The following FHIT variants were observed in gnomAD, a reference collection of about 807,000 sequenced individuals.
FHIT encodes bis(5'-adenosyl)-triphosphatase.
A neutral mutation model predicts 17.9 loss-of-function variants in FHIT; 19 were observed. The ratio of observed to expected loss-of-function variants is 1.06; its 90% confidence interval spans 0.74 to 1.56. The LOEUF (loss-of-function observed/expected upper bound fraction) is 1.56, where lower values mean the gene tolerates loss of function less well. FHIT is among the 40% of genes most tolerant of loss of function. The pLI is 0.00. For synonymous variants in FHIT, 81 were observed against 69.7 expected (o/e 1.16, Z -0.81); for missense variants, 248 against 189.2 (o/e 1.31, Z -1.82).
chr3:60,117,778 G>A (rs1705040048), intron 5 of FHIT, among the ~76,000 whole-genome samples: 1 of 150,684 alleles, frequency 6.6e-6, no homozygotes, highest in African/African-American at 2.4e-5. Flanking sequence ...GAAGATGTAG[G>A]ACTATAGAGG....
intron 1 of FHIT, among the ~76,000 whole-genome samples, chr3:61,244,336 A>C (rs763812684): frequency 1.1e-4 from 16 of 152,212 alleles, no homozygotes; most frequent in Non-Finnish European, 1.9e-4. Context: ...TGAAGGAATA[A>C]ACTTACATTA....
At chr3:60,343,238 A>G (rs924977474) in intron 5 of FHIT, among the ~76,000 whole-genome samples, 3 of 152,154 alleles carry the variant, frequency 2.0e-5, no homozygotes, top group Non-Finnish European at 4.4e-5. Flanking sequence ...TGTAGAATCT[A>G]CTGAGATTCT....
At chr3:59,824,725 C>T (rs532554425) in intron 8 of FHIT, among the ~76,000 whole-genome samples, 2 of 152,172 alleles carry the variant, frequency 1.3e-5, no homozygotes, top group African/African-American at 2.4e-5. Flanking sequence ...GTGGTGAGTA[C>T]ATCAATATTA....
intron 4 of FHIT, among the ~76,000 whole-genome samples, chr3:60,772,507 C>T (rs9880233): frequency 2.0e-5 from 3 of 151,890 alleles, no homozygotes; most frequent in South Asian, 4.2e-4. Context: ...TTATGACAGT[C>T]GGGGAGATCT....
At chr3:60,177,019 G>A (rs751105534) in intron 5 of FHIT, among the ~76,000 whole-genome samples, 1 of 151,448 alleles carries the variant, frequency 6.6e-6, no homozygotes, top group Non-Finnish European at 1.5e-5. Context: ...AAAATTGTGG[G>A]AGAAAAAAAA....
rs75806737 is a variant in FHIT at position 60,211,360 on chromosome 3, G to A, written c.104-197208C>T. Among the ~76,000 whole-genome samples the A allele has an allele frequency of 3.1e-3, 473 of 151,998 alleles. 10 individuals carry two copies. The East Asian group carries it at 0.034, about 11-fold the overall frequency. Reference sequence around the variant, plus strand: ...AAGTATTAAAAATTTGGGGGAGGAAGAAACAGAGTATAAGGGAGATATAGA... The same window carrying A: ...AAGTATTAAAAATTTGGGGGAGGAAAAAACAGAGTATAAGGGAGATATAGA... On this transcript the variant is annotated intron_variant, in intron 5 of 9. Transcript: ENST00000492590.
At chr3:61,056,910 T>C (rs532408852) in intron 2 of FHIT, among the ~76,000 whole-genome samples, 10 of 152,346 alleles carry the variant, frequency 6.6e-5, no homozygotes, top group African/African-American at 2.4e-4. Context: ...TATTGCTGTT[T>C]TAGCTGTCAC....
At chr3:60,494,529 T>G (rs1173744013) in intron 5 of FHIT, among the ~76,000 whole-genome samples, 1 of 152,096 alleles carries the variant, frequency 6.6e-6, no homozygotes, top group African/African-American at 2.4e-5. Context: ...TTGACTACAG[T>G]CACTCCGTTG....
At chr3:59,874,031 A>T (rs568478044) in intron 8 of FHIT, among the ~76,000 whole-genome samples, 1 of 152,218 alleles carries the variant, frequency 6.6e-6, no homozygotes, top group South Asian at 2.1e-4. Context: ...TTCTTTCAGC[A>T]CATGCAGTAC....
chr3:59,870,856 CGTGT>C (rs112477825), intron 8 of FHIT, among the ~76,000 whole-genome samples: 1 of 116,124 alleles, frequency 8.6e-6, no homozygotes, highest in Non-Finnish European at 2.0e-5. Flanking sequence ...TAGTAAAGGG[CGTGT>C]GTGTGTGTGT....
At chr3:60,226,431 C>T (rs1305738699) in intron 5 of FHIT, among the ~76,000 whole-genome samples, 1 of 142,016 alleles carries the variant, frequency 7.0e-6, no homozygotes, top group Non-Finnish European at 1.5e-5. Context: ...GAGATCGCAC[C>T]ATTGCACTCC....
At chr3:59,944,966 T>C (rs1217546217) in intron 7 of FHIT, among the ~76,000 whole-genome samples, 3 of 152,246 alleles carry the variant, frequency 2.0e-5, no homozygotes, top group Non-Finnish European at 2.9e-5. Context: ...TTTGCTATTA[T>C]GAAAACTACT....
At position 60,865,190 on chromosome 3, in the gene FHIT, GTCTGACGTTGA is replaced by G. The variant is rs1339023483; in HGVS notation, c.-110-43190_-110-43180del. On this transcript the variant is annotated intron_variant, in intron 3 of 9. Transcript: ENST00000492590. Reference sequence around the variant, plus strand: ...AAAACTAAAAAATTCTCCCATTTCTGTCTGACGTTGAAAAAAATCATAGGTATTTGGCATTT... The same window carrying G: ...AAAACTAAAAAATTCTCCCATTTCTGAAAAAATCATAGGTATTTGGCATTT... Among the ~76,000 whole-genome samples, 3 of 152,216 alleles carry G rather than the reference GTCTGACGTTGA, an allele frequency of 2.0e-5. No homozygotes were observed. The East Asian group carries it at 5.8e-4, about 29-fold the overall frequency.
At chr3:59,896,507 A>C (rs1304333933) in intron 8 of FHIT, among the ~76,000 whole-genome samples, 1 of 152,222 alleles carries the variant, frequency 6.6e-6, no homozygotes, top group Non-Finnish European at 1.5e-5. Context: ...AGAGTAACTC[A>C]GAAATTAAAT....
chr3:60,405,392 T>G (rs904580070), intron 5 of FHIT, among the ~76,000 whole-genome samples: 1 of 152,184 alleles, frequency 6.6e-6, no homozygotes, highest in Non-Finnish European at 1.5e-5. Context: ...CCCAGATACA[T>G]GGGGGACTTT....
intron 8 of FHIT, among the ~76,000 whole-genome samples, chr3:59,857,717 T>A (rs1702224399): frequency 6.6e-6 from 1 of 150,500 alleles, no homozygotes; most frequent in South Asian, 2.1e-4. Context: ...TTTTTTTTTT[T>A]TTTTTGTATC....
At chr3:61,079,179 C>T (rs895953898) in intron 2 of FHIT, among the ~76,000 whole-genome samples, 12 of 152,302 alleles carry the variant, frequency 7.9e-5, no homozygotes, top group African/African-American at 2.9e-4. Flanking sequence ...CAAAAGCTAG[C>T]AAGTTGTACA....
intron 3 of FHIT, among the ~76,000 whole-genome samples, chr3:60,925,838 G>T (rs1207880049): frequency 6.6e-6 from 1 of 152,126 alleles, no homozygotes; most frequent in Non-Finnish European, 1.5e-5. Flanking sequence ...ACACACATAG[G>T]CTCAAAATAA....
intron 7 of FHIT, among the ~76,000 whole-genome samples, chr3:59,982,687 T>C (rs1325571501): frequency 6.6e-6 from 1 of 152,194 alleles, no homozygotes; most frequent in East Asian, 1.9e-4. Context: ...TGCTTGTGGC[T>C]AACTACAAAT....
Sources: gnomAD v4.1 joint callset for allele counts (sites outside exome capture counted in the v4.1 genomes callset) on GRCh38, gnomAD v4.1.1 for gene constraint, MANE v1.5 for transcripts, NCBI Gene and HGNC (gene_info 2026-07-23, HGNC 2026-07-21) for gene names.